CREBL2: variants seen among roughly 807,000 people sequenced by gnomAD.
CREBL2 encodes the protein cAMP-responsive element-binding protein-like 2.
CREBL2 carries 4 observed loss-of-function variants against 19.5 expected under a neutral mutation model. That is an observed-to-expected ratio of 0.20 (90% CI 0.10 to 0.47). The LOEUF (loss-of-function observed/expected upper bound fraction) is 0.47, where lower values mean the gene tolerates loss of function less well. Ranked by LOEUF, CREBL2 falls within the 20% of genes least tolerant of loss-of-function variation. The pLI is 0.98. For synonymous variants in CREBL2, 42 were observed against 46.6 expected (o/e 0.90, Z 0.40); for missense variants, 85 against 145.1 (o/e 0.59, Z 2.13).
chr12:12,637,321 C>G (rs1041434191), intron 2 of CREBL2, among the ~76,000 whole-genome samples: 1 of 152,018 alleles, frequency 6.6e-6, no homozygotes, highest in Non-Finnish European at 1.5e-5. Context: ...GAGCAACACT[C>G]CAGTACATCA....
intron 1 of CREBL2, among the ~76,000 whole-genome samples, chr12:12,617,900 G>A (rs1391694982): frequency 6.6e-6 from 1 of 151,534 alleles, no homozygotes; most frequent in Non-Finnish European, 1.5e-5. Context: ...TCAAGCATCT[G>A]TTTAACAAAG....
intron 1 of CREBL2, among the ~76,000 whole-genome samples, chr12:12,625,918 T>G (rs775439934): frequency 3.3e-5 from 5 of 152,150 alleles, no homozygotes; most frequent in Middle Eastern, 3.2e-3. Context: ...AAAGGGTCAT[T>G]GAATAAAGGA....
intron 1 of CREBL2, among the ~76,000 whole-genome samples, chr12:12,619,837 G>A (rs975898743): frequency 8.5e-5 from 13 of 152,180 alleles, no homozygotes; most frequent in African/African-American, 3.1e-4. Flanking sequence ...GCATGCCAAT[G>A]TGAGCTGCCA....
At chr12:12,624,337 A>C (rs540120426) in intron 1 of CREBL2, among the ~76,000 whole-genome samples, 18 of 152,336 alleles carry the variant, frequency 1.2e-4, no homozygotes, top group African/African-American at 4.3e-4. Context: ...TGACTAGGGA[A>C]GTGGGGTGGA....
chr12:12,621,606 C>G (rs1451620669), intron 1 of CREBL2, among the ~76,000 whole-genome samples: 5 of 150,922 alleles, frequency 3.3e-5, no homozygotes, highest in Non-Finnish European at 7.4e-5. Flanking sequence ...TGAGCTACAG[C>G]GTAAAGCAGA....
chr12:12,625,935 G>A (rs1422221332), intron 1 of CREBL2, among the ~76,000 whole-genome samples: 1 of 152,098 alleles, frequency 6.6e-6, no homozygotes, highest in East Asian at 1.9e-4. Flanking sequence ...AGGAATTAAT[G>A]TGCTCCTCTT....
chr12:12,641,253 A>ATTATTTTTTTTTTTTTTTTTT (rs1478394376), intron 3 of CREBL2, among the ~76,000 whole-genome samples: 1 of 78,262 alleles, frequency 1.3e-5, no homozygotes, highest in Non-Finnish European at 2.5e-5. Flanking sequence ...TATTATTATT[A>ATTATTTTTTTTTTTTTTTTTT]TTTTTTTTTA....
chr12:12,638,024 A>G (rs1945489339), intron 3 of CREBL2, among the ~76,000 whole-genome samples: 1 of 152,134 alleles, frequency 6.6e-6, no homozygotes. Context: ...AAAGGGGGGA[A>G]CAAAAAGAGG....
intron 1 of CREBL2, among the ~76,000 whole-genome samples, chr12:12,625,246 C>T (rs1184930892): frequency 6.6e-6 from 1 of 152,094 alleles, no homozygotes; most frequent in African/African-American, 2.4e-5. Flanking sequence ...CCTTTTCTGT[C>T]TAGAATTTTC....
At chr12:12,619,325 C>G (rs1364775606) in intron 1 of CREBL2, among the ~76,000 whole-genome samples, 3 of 152,088 alleles carry the variant, frequency 2.0e-5, no homozygotes, top group Non-Finnish European at 4.4e-5. Context: ...AAAATTTCTT[C>G]TTGGCCAGGT....
intron 3 of CREBL2, among the ~76,000 whole-genome samples, chr12:12,641,756 A>G (rs1011400467): frequency 1.3e-5 from 2 of 152,214 alleles, no homozygotes; most frequent in Admixed American, 1.3e-4. Flanking sequence ...CACCCACGTA[A>G]CCAAAAACCA....
chr12:12,618,870 TCCA>T (rs1334700703), intron 1 of CREBL2, among the ~76,000 whole-genome samples: 1 of 152,124 alleles, frequency 6.6e-6, no homozygotes, highest in African/African-American at 2.4e-5. Context: ...AAACCCCGTC[TCCA>T]CCAAAAAATA....
intron 1 of CREBL2, among the ~76,000 whole-genome samples, chr12:12,615,199 G>A (rs1945300822): frequency 6.6e-6 from 1 of 151,888 alleles, no homozygotes; most frequent in Admixed American, 6.5e-5. Flanking sequence ...ATTTTTCTTA[G>A]AGATAGGGTT....
intron 1 of CREBL2, among the ~76,000 whole-genome samples, chr12:12,629,899 C>T (rs950479836): frequency 1.3e-5 from 2 of 152,026 alleles, no homozygotes; most frequent in African/African-American, 2.4e-5. Flanking sequence ...CCTGTTGATA[C>T]AGTGTATTAT....
At chr12:12,631,249 T>G (rs560360863) in intron 1 of CREBL2, among the ~76,000 whole-genome samples, 2 of 152,330 alleles carry the variant, frequency 1.3e-5, no homozygotes, top group South Asian at 4.1e-4. Context: ...CTAGCGGGTT[T>G]CTTTTCTAAG....
intron 1 of CREBL2, among the ~76,000 whole-genome samples, chr12:12,630,241 C>A (rs1230445517): frequency 6.6e-6 from 1 of 152,030 alleles, no homozygotes; most frequent in Non-Finnish European, 1.5e-5. Flanking sequence ...GATTACTAAT[C>A]GAATAAAATT....
intron 2 of CREBL2, among the ~76,000 whole-genome samples, chr12:12,636,720 C>T (rs933817085): frequency 6.6e-6 from 1 of 152,208 alleles, no homozygotes; most frequent in Admixed American, 6.5e-5. Context: ...TGCACCCAGC[C>T]AAGTGATTTT....
rs1167784510 is a variant in CREBL2, at chr12:12,642,396, C to T, written c.*398C>T. 1 of 158,174 alleles carries T rather than the reference C, an allele frequency of 6.3e-6. No individual in the cohort carries two copies. Among genetic ancestry groups the T allele is most frequent in the African/African-American group, 2.4e-5 (1 of 41,680 alleles). The allele number at this position is 158,174 out of a possible 1,614,324, so 9.8% of individuals were successfully genotyped here. On this transcript the variant is annotated 3_prime_UTR_variant, in exon 4 of 4. Coordinates refer to ENST00000228865, the MANE Select transcript of CREBL2 (RefSeq NM_001310.4). Reference sequence around the variant, plus strand: ...CTGTGTGTGTTTTATGTGTCACCACCTTTCATGTTTTTGATTGCCCTACAA... The same window carrying T: ...CTGTGTGTGTTTTATGTGTCACCACTTTTCATGTTTTTGATTGCCCTACAA...
At chr12:12,626,418 GA>G (rs1945402301) in intron 1 of CREBL2, among the ~76,000 whole-genome samples, 2 of 152,112 alleles carry the variant, frequency 1.3e-5, no homozygotes, top group African/African-American at 4.8e-5. Flanking sequence ...TCATGAGTTA[GA>G]ACCTTATGCT....
Sources: gnomAD v4.1 joint callset for allele counts (sites outside exome capture counted in the v4.1 genomes callset) on GRCh38, gnomAD v4.1.1 for gene constraint, MANE v1.5 for transcripts, NCBI Gene and HGNC (gene_info 2026-07-23, HGNC 2026-07-21) for gene names.